Variants in MS4A13 observed in about 807,000 individuals in gnomAD.
MS4A13 encodes membrane spanning 4-domains A13, also known as membrane-spanning 4-domains subfamily A member 13.
MS4A13 carries 21 observed loss-of-function variants against 18.4 expected under a neutral mutation model. The ratio of observed to expected loss-of-function variants is 1.14; its 90% CI spans 0.81 to 1.64. The LOEUF is 1.64. MS4A13 is among the 40% of genes most tolerant of loss of function. The pLI, the probability that MS4A13 is intolerant of heterozygous loss-of-function variation, is 0.00. For synonymous variants in MS4A13, 62 were observed against 57.2 expected, an observed-to-expected ratio of 1.08 and a Z score of -0.38; for missense variants, 173 against 176.8, an observed-to-expected ratio of 0.98 and a Z score of 0.12.
At chr11:60,520,463 A>G (rs57810546) in intron 3 of MS4A13, among the ~76,000 whole-genome samples, 5,353 of 152,322 alleles carry the variant, frequency 0.035, 293 homozygotes, top group African/African-American at 0.11. Context: ...ATGGGGGTAC[A>G]GGCTTGAGTA....
intron 5 of MS4A13, 79 bp from the exon 6 acceptor site, chr11:60,529,286 C>T (rs1276506967): frequency 5.2e-5 from 13 of 248,038 alleles, no homozygotes; most frequent in African/African-American, 3.9e-4. Context: ...GACTCTCATA[C>T]CAGTAGCTCC....
intron 5 of MS4A13, among the ~76,000 whole-genome samples, chr11:60,528,664 T>A (rs1476889907): frequency 6.6e-6 from 1 of 152,136 alleles, no homozygotes; most frequent in Non-Finnish European, 1.5e-5. Context: ...TTCTTTCTAG[T>A]TCTGAGTATC....
chr11:60,535,050 A>C (rs2135267331), intron 6 of MS4A13, among the ~76,000 whole-genome samples: 1 of 4,684 alleles, frequency 2.1e-4, no homozygotes, highest in East Asian at 3.9e-3. Flanking sequence ...TTATAGCACT[A>C]AATGCCTACA....
chr11:60,521,351 G>A (rs903135043), intron 3 of MS4A13, among the ~76,000 whole-genome samples: 1 of 152,158 alleles, frequency 6.6e-6, no homozygotes, highest in Non-Finnish European at 1.5e-5. Flanking sequence ...CTATCACATT[G>A]TCAGGCTGTA....
At chr11:60,532,437 C>A (rs935323669) in intron 6 of MS4A13, among the ~76,000 whole-genome samples, 3 of 152,200 alleles carry the variant, frequency 2.0e-5, no homozygotes, top group South Asian at 2.1e-4. Context: ...TCGGGTCACT[C>A]CCACCCGAAT....
In MS4A13 at chr11:60,518,172, C is replaced by T. The variant is rs548477400; in HGVS notation, c.89C>T (p.Pro30Leu). ...AAAGGAGCCTTTGGAACGTATGAAC[C>T]TGTAACTTACAAAACAGGATGTACT... ...QIKGAFGTYE[P>L]VTYKTGCTLW... Residue 30 changes from proline to leucine, a missense_variant, in exon 3 of 7, where the codon CCT becomes CTT. By Grantham distance (98) the Pro-to-Leu change is moderately conservative (BLOSUM62 -3). Coordinates refer to ENST00000378186, the MANE Select transcript of MS4A13 (RefSeq NM_001012417.3). The T allele has an allele frequency of 5.0e-6, 8 of 1,611,802 alleles. No homozygotes were observed. The South Asian group carries it at 6.6e-5, about 13-fold the overall frequency.
Position 60,542,697 on chromosome 11 carries a change from G to T in MS4A13, c.*122G>T. On this transcript the variant is annotated 3_prime_UTR_variant, in exon 7 of 7. Transcript: ENST00000378186. The stretch of plus-strand genomic sequence containing the variant: ...TTGTGCAAAATAAAATACAAACAAG[G>T]TGAATTTTTCTCCTCATTCAAAAAT... 1.8e-6 allele frequency: 1 copy of T among 543,452 alleles called. No individual in the cohort carries two copies. Among genetic ancestry groups the T allele is most frequent in the Non-Finnish European group, 3.2e-6 (1 of 314,888 alleles). 33.7% of individuals were successfully genotyped at this position (543,452 alleles called of 1,614,324 possible). A position where few individuals can be genotyped will look rare whatever the true frequency, so the allele number is the denominator to read the frequency against.
intron 6 of MS4A13, among the ~76,000 whole-genome samples, chr11:60,540,529 C>T (rs961770023): frequency 6.6e-6 from 1 of 152,240 alleles, no homozygotes; most frequent in South Asian, 2.1e-4. Flanking sequence ...AATTAGCATT[C>T]ATCTGAAGTA....
chr11:60,529,245 A>C, intron 5 of MS4A13, 120 bp from the exon 6 acceptor site: 3 of 453,572 alleles, frequency 6.6e-6, no homozygotes, highest in Non-Finnish European at 1.1e-5. Context: ...ATCTGTTCTT[A>C]TTTTCCTTCC....
intron 6 of MS4A13, among the ~76,000 whole-genome samples, chr11:60,532,516 G>A (rs1408462795): frequency 2.6e-5 from 4 of 152,356 alleles, no homozygotes; most frequent in Non-Finnish European, 5.9e-5. Flanking sequence ...GGCTCAGAGG[G>A]TCCTACGCCC....
In MS4A13 at chr11:60,535,541, CA is replaced by C. The variant is rs544779167; in HGVS notation, c.402+6083del. 0.011 allele frequency among the ~76,000 whole-genome samples: 1,315 copies of C among 118,470 alleles called. 115 individuals carry two copies. In the East Asian group the frequency reaches 0.12, roughly 11 times the overall value. The allele number at this position is 118,470 out of a possible 152,430, so 77.7% of individuals were successfully genotyped here. A position where few individuals can be genotyped will look rare whatever the true frequency, so the allele number is the denominator to read the frequency against. On this transcript the variant is annotated intron_variant, in intron 6 of 6. Coordinates refer to ENST00000378186, the MANE Select transcript of MS4A13 (RefSeq NM_001012417.3). The stretch of plus-strand genomic sequence containing the variant: ...ATTGTGGCAATAATCAATAGTTTAC[CA>C]ACCAAAAAGAGTCCAGGACCAGATG...
intron 6 of MS4A13, among the ~76,000 whole-genome samples, chr11:60,532,421 G>A (rs1476565906): frequency 6.6e-6 from 1 of 152,192 alleles, no homozygotes; most frequent in East Asian, 1.9e-4. Flanking sequence ...GGACGCACCT[G>A]GAAAATCGGG....
intron 5 of MS4A13, 104 bp downstream of exon 5, chr11:60,525,430 A>G: frequency 1.4e-6 from 1 of 730,230 alleles, no homozygotes; most frequent in Non-Finnish European, 2.1e-6. Context: ...TCCTCATGAA[A>G]TTCTTTGATT....
intron 6 of MS4A13, among the ~76,000 whole-genome samples, chr11:60,539,782 G>T (rs960886528): frequency 6.6e-6 from 1 of 152,162 alleles, no homozygotes; most frequent in African/African-American, 2.4e-5. Context: ...CAAAACAATG[G>T]AGGCCTGAAG....
chr11:60,536,886 T>A (rs1172035378), intron 6 of MS4A13, among the ~76,000 whole-genome samples: 1 of 112,550 alleles, frequency 8.9e-6, no homozygotes. Context: ...TCTACAACTA[T>A]CTGATCTTTG....
chr11:60,529,352 T>G lies in MS4A13; in HGVS notation c.307-13T>G. ...TAATAGCATTAAGATTTCTCCCTGT[T>G]TTTTGGTTATAGAAACTTGGGAGGG... On this transcript the variant is annotated splice_polypyrimidine_tract_variant and intron_variant, in intron 5 of 6. Transcript: ENST00000378186. 1 of 1,546,952 alleles carries G rather than the reference T, an allele frequency of 6.5e-7. No individual in the cohort carries two copies. Among genetic ancestry groups the G allele is most frequent in the African/African-American group, 1.4e-5 (1 of 72,948 alleles).
intron 6 of MS4A13, among the ~76,000 whole-genome samples, chr11:60,542,131 A>C (rs1427581659): frequency 1.1e-4 from 14 of 128,574 alleles, no homozygotes; most frequent in South Asian, 2.5e-4. Flanking sequence ...AAAAAAAAAA[A>C]CCCAAGGAAG....
At chr11:60,518,930 T>C (rs890497332) in intron 3 of MS4A13, among the ~76,000 whole-genome samples, 4 of 152,208 alleles carry the variant, frequency 2.6e-5, no homozygotes, top group African/African-American at 7.2e-5. Context: ...AATGGGGTGA[T>C]AGCTGGGGAA....
At chr11:60,520,989 G>C (rs531790366) in intron 3 of MS4A13, among the ~76,000 whole-genome samples, 3 of 152,228 alleles carry the variant, frequency 2.0e-5, no homozygotes, top group Non-Finnish European at 4.4e-5. Flanking sequence ...TGACTTCTGT[G>C]TACCCGCAGG....
Sources: allele counts gnomAD v4.1 joint callset (sites outside exome capture counted in the v4.1 genomes callset), GRCh38; gene constraint gnomAD v4.1.1; transcripts MANE v1.5; gene names NCBI Gene and HGNC (gene_info 2026-07-23, HGNC 2026-07-21).